Variants in SEZ6L observed in about 807,000 individuals in gnomAD.
The protein encoded by SEZ6L is seizure related 6 homolog like, also known as seizure 6-like protein.
SEZ6L carries 37 observed loss-of-function variants against 106.2 expected under a neutral mutation model. The ratio of observed to expected loss-of-function variants is 0.35; its 90% confidence interval spans 0.27 to 0.46. The LOEUF (loss-of-function observed/expected upper bound fraction) is 0.46, where lower values mean the gene tolerates loss of function less well. SEZ6L is among the 20% of genes least tolerant of loss of function. The probability of loss-of-function intolerance (pLI) is 1.00; values close to 1 mark genes in which losing one functional copy is unlikely to be tolerated. For missense variants in SEZ6L, 1,172 were observed against 1,332.8 expected, an observed-to-expected ratio of 0.88 and a Z score of 1.88; for synonymous variants, 541 against 570.4, an observed-to-expected ratio of 0.95 and a Z score of 0.73.
intron 13 of SEZ6L, among the ~76,000 whole-genome samples, chr22:26,366,239 C>G (rs1054026027): frequency 6.6e-6 from 1 of 151,686 alleles, no homozygotes; most frequent in African/African-American, 2.4e-5. Context: ...GAGGCTGAGG[C>G]AAGAGAATCA....
chr22:26,172,040 G>A (rs1276251301), intron 1 of SEZ6L, among the ~76,000 whole-genome samples: 3 of 152,130 alleles, frequency 2.0e-5, no homozygotes, highest in East Asian at 1.9e-4. Flanking sequence ...GGGCCATTTC[G>A]CTGTAAGGCA....
At chr22:26,177,443 A>G (rs879415704) in intron 1 of SEZ6L, among the ~76,000 whole-genome samples, 1 of 152,240 alleles carries the variant, frequency 6.6e-6, no homozygotes, top group Non-Finnish European at 1.5e-5. Context: ...TTCCAAAGGA[A>G]ATATTGGATG....
At chr22:26,341,658 A>T (rs571081765) in intron 10 of SEZ6L, among the ~76,000 whole-genome samples, 1 of 152,190 alleles carries the variant, frequency 6.6e-6, no homozygotes, top group African/African-American at 2.4e-5. Context: ...GCCAAACAGA[A>T]TGATTTCTTT....
Position 26,365,285 on chromosome 22 carries a change from G to A in SEZ6L, c.2600-87G>A, listed in dbSNP as rs945807907. ...GCAGAGAGAGGATGCTGGAGAGGCTGACCAAAGCTAGATCACACGGGTTCT... is the reference window on the plus strand; with the variant it reads ...GCAGAGAGAGGATGCTGGAGAGGCTAACCAAAGCTAGATCACACGGGTTCT... On this transcript the variant is annotated intron_variant, in intron 12 of 16. Transcript: ENST00000248933. 7.4e-6 allele frequency: 9 copies of A among 1,210,812 alleles called. No individual in the cohort carries two copies. The Admixed American group carries it at 1.4e-4, about 19-fold the overall frequency. 75.0% of individuals were successfully genotyped at this position (1,210,812 alleles called of 1,614,324 possible). A position where few individuals can be genotyped will look rare whatever the true frequency, so the allele number is the denominator to read the frequency against.
intron 1 of SEZ6L, among the ~76,000 whole-genome samples, chr22:26,229,212 G>A (rs2078725450): frequency 6.6e-6 from 1 of 152,238 alleles, no homozygotes; most frequent in East Asian, 1.9e-4. Flanking sequence ...GGCCAGGTTT[G>A]TCTGGAACTC....
intron 9 of SEZ6L, among the ~76,000 whole-genome samples, chr22:26,319,553 T>C (rs1159518335): frequency 6.6e-6 from 1 of 152,162 alleles, no homozygotes; most frequent in East Asian, 1.9e-4. Context: ...CACGCATACC[T>C]CAGGGCCTTT....
intron 1 of SEZ6L, among the ~76,000 whole-genome samples, chr22:26,235,705 G>A (rs560591010): frequency 3.9e-5 from 6 of 152,268 alleles, no homozygotes; most frequent in East Asian, 1.9e-4. Flanking sequence ...AAGGCTTAGG[G>A]GCTTGAATTA....
chr22:26,228,405 C>T (rs2078698707), intron 1 of SEZ6L, among the ~76,000 whole-genome samples: 1 of 152,164 alleles, frequency 6.6e-6, no homozygotes, highest in Non-Finnish European at 1.5e-5. Flanking sequence ...AATCCACACC[C>T]TGCCCCCTGC....
intron 1 of SEZ6L, among the ~76,000 whole-genome samples, chr22:26,271,073 TC>T (rs1474179305): frequency 1.3e-5 from 2 of 152,246 alleles, no homozygotes; most frequent in Non-Finnish European, 2.9e-5. Context: ...TGTCTGATTG[TC>T]CTCTTTGGGT....
chr22:26,345,994 C>T (rs768951157), intron 10 of SEZ6L, among the ~76,000 whole-genome samples: 1 of 151,866 alleles, frequency 6.6e-6, no homozygotes, highest in Non-Finnish European at 1.5e-5. Context: ...AATATACCAA[C>T]AGTTTATTTT....
At chr22:26,356,718 T>C (rs1052413497) in intron 12 of SEZ6L, among the ~76,000 whole-genome samples, 2 of 151,660 alleles carry the variant, frequency 1.3e-5, no homozygotes, top group African/African-American at 2.4e-5. Flanking sequence ...CGAGGATGTG[T>C]ATACCCGTTG....
chr22:26,219,254 G>GTGTTTTTT lies in SEZ6L; in HGVS notation c.94+49492_94+49493insGTTTTTTT, dbSNP rs1556124260. Among the ~76,000 whole-genome samples the GTGTTTTTT allele has an allele frequency of 1.3e-4, 18 of 135,072 alleles. 1 individual carries two copies. The highest frequency in any genetic ancestry group is 1.6e-4 in the African/African-American group (6 of 36,656). 88.6% of individuals were successfully genotyped at this position (135,072 alleles called of 152,430 possible). On this transcript the variant is annotated intron_variant, in intron 1 of 16. Transcript: ENST00000248933. ...CATAGAAGATGTTCGAGAAATACAAGTTTTTTTTTTTTTTTTCGCTCCTGG... is the reference window on the plus strand; with the variant it reads ...CATAGAAGATGTTCGAGAAATACAAGTGTTTTTTTTTTTTTTTTTTTTTTCGCTCCTGG...
chr22:26,264,234 T>G (rs1408835695), intron 1 of SEZ6L, among the ~76,000 whole-genome samples: 1 of 152,220 alleles, frequency 6.6e-6, no homozygotes, highest in East Asian at 1.9e-4. Flanking sequence ...TGTGAATATT[T>G]GGTAACTGTG....
At chr22:26,343,324 CAAA>C (rs763323751) in intron 10 of SEZ6L, among the ~76,000 whole-genome samples, 1 of 63,112 alleles carries the variant, frequency 1.6e-5, no homozygotes, top group Non-Finnish European at 3.3e-5. Context: ...GCTTGATGGC[CAAA>C]AAAAAAAAAA....
At chr22:26,174,580 G>A (rs1424274691) in intron 1 of SEZ6L, among the ~76,000 whole-genome samples, 5 of 152,134 alleles carry the variant, frequency 3.3e-5, no homozygotes, top group African/African-American at 4.8e-5. Flanking sequence ...AGAAGGGAGC[G>A]AGGCCCAGCT....
intron 9 of SEZ6L, among the ~76,000 whole-genome samples, chr22:26,316,735 G>C (rs2082007045): frequency 6.6e-6 from 1 of 151,938 alleles, no homozygotes; most frequent in Admixed American, 6.6e-5. Flanking sequence ...GGGAGGCTGA[G>C]GCAAGAGAAT....
intron 12 of SEZ6L, among the ~76,000 whole-genome samples, chr22:26,363,616 C>G (rs988785957): frequency 2.6e-5 from 4 of 152,254 alleles, no homozygotes; most frequent in African/African-American, 9.6e-5. Context: ...TGAAGGCATG[C>G]TTGAGATTCA....
chr22:26,241,298 C>T (rs960579196), intron 1 of SEZ6L: 1 of 152,192 alleles, frequency 6.6e-6, no homozygotes, highest in African/African-American at 2.4e-5. Flanking sequence ...TCGTCATCTT[C>T]CTCTGCTTGC....
chr22:26,305,935 C>G (rs369133611), intron 5 of SEZ6L, 44 bp from the exon 6 acceptor site: 3 of 1,485,156 alleles, frequency 2.0e-6, no homozygotes. Context: ...CTCTCTCTCC[C>G]TCTCTGCTCT....
Sources: allele counts gnomAD v4.1 joint callset (sites outside exome capture counted in the v4.1 genomes callset), GRCh38; gene constraint gnomAD v4.1.1; transcripts MANE v1.5; gene names NCBI Gene and HGNC (gene_info 2026-07-23, HGNC 2026-07-21).